PLEKHD1: variants seen among roughly 807,000 people sequenced by gnomAD.
The protein encoded by PLEKHD1 is pleckstrin homology domain-containing family D member 1.
Under a neutral mutation model 69.2 loss-of-function variants are expected in PLEKHD1, and 51 were observed. The observed-to-expected ratio is 0.74, with a 90% CI of 0.59 to 0.93. The LOEUF (loss-of-function observed/expected upper bound fraction) is 0.93. Among genes scored for constraint, PLEKHD1 ranks in the 40% least tolerant of loss-of-function variants. The pLI is 0.00. For missense variants in PLEKHD1, 584 were observed against 641.0 expected (o/e 0.91, Z 0.96); for synonymous variants, 236 against 244.7 (o/e 0.96, Z 0.33).
chr14:69,505,055 A>G (rs1481227292), intron 6 of PLEKHD1, among the ~76,000 whole-genome samples: 1 of 152,242 alleles, frequency 6.6e-6, no homozygotes, highest in Non-Finnish European at 1.5e-5. Flanking sequence ...GTCTTTAGCC[A>G]GGAAATTAGG....
the PLEKHD1 span, among the ~76,000 whole-genome samples, chr14:69,471,020 T>G: frequency 4.9e-3 from 735 of 150,060 alleles, 7 homozygotes; most frequent in African/African-American, 0.018. Context: ...CTCGATCTCC[T>G]GACCTTGTGA....
Position 69,522,326 on chromosome 14 carries a change from A to C in PLEKHD1, c.599A>C (p.Gln200Pro). The change falls in exon 7 of 13, where the codon CAG becomes CCG. Residue 200 changes from glutamine (Q) to proline (P), a missense_variant. Transcript: ENST00000322564. ...LNQVLEAEKQ[Q>P]FEEVVQELRM... ...CAGGTGCTGGAGGCCGAGAAGCAGC[A>C]GTTCGAGGAGGTGGTGCAGGAGCTG... The C allele has an allele frequency of 6.4e-7, 1 of 1,551,614 alleles. No individual in the cohort carries two copies. Among genetic ancestry groups the C allele is most frequent in the Non-Finnish European group, 8.7e-7 (1 of 1,146,950 alleles).
chr14:69,496,702 ATTTTTTTT>A (rs375368521), intron 1 of PLEKHD1, among the ~76,000 whole-genome samples: 1 of 112,920 alleles, frequency 8.9e-6, no homozygotes, highest in African/African-American at 3.6e-5. Flanking sequence ...TGCCCAGCTA[ATTTTTTTT>A]TTTTTTTTTT....
At chr14:69,503,849 A>G (rs1478725707) in intron 6 of PLEKHD1, among the ~76,000 whole-genome samples, 2 of 141,132 alleles carry the variant, frequency 1.4e-5, no homozygotes, top group Admixed American at 7.2e-5. Flanking sequence ...GGGCGACAGA[A>G]CGAGACTCCG....
chr14:69,470,728 G>A, the PLEKHD1 span, among the ~76,000 whole-genome samples: 746 of 152,234 alleles, frequency 4.9e-3, 7 homozygotes, highest in African/African-American at 0.017. Context: ...CAGTAACTCA[G>A]TGAGCTATGT....
At chr14:69,522,665 C>A (rs1449901231) in intron 7 of PLEKHD1, among the ~76,000 whole-genome samples, 1 of 152,116 alleles carries the variant, frequency 6.6e-6, no homozygotes, top group African/African-American at 2.4e-5. Flanking sequence ...TCATGAAAGC[C>A]TCTCTCACCC....
chr14:69,471,517 T>A, the PLEKHD1 span, among the ~76,000 whole-genome samples: 1 of 152,092 alleles, frequency 6.6e-6, no homozygotes, highest in African/African-American at 2.4e-5. Flanking sequence ...GGTCACAAGG[T>A]CTGAGAGAAA....
the PLEKHD1 span, among the ~76,000 whole-genome samples, chr14:69,478,675 T>C: frequency 6.6e-6 from 1 of 152,248 alleles, no homozygotes; most frequent in Non-Finnish European, 1.5e-5. Context: ...GAGTCACCTT[T>C]GCTCCAGTTC....
the PLEKHD1 span, among the ~76,000 whole-genome samples, chr14:69,467,874 C>G: frequency 1.1e-4 from 16 of 152,200 alleles, no homozygotes; most frequent in African/African-American, 3.6e-4. Flanking sequence ...GGAGGCACCT[C>G]AGAAGCTCCT....
rs1271547635 is a variant in PLEKHD1 at position 69,530,143 on chromosome 14, T to C, written c.*1724T>C. 6.6e-6 allele frequency: 1 copy of C among 152,242 alleles called. No homozygotes were observed. The highest frequency in any genetic ancestry group is 1.5e-5 in the Non-Finnish European group (1 of 68,052). The allele number at this position is 152,242 out of a possible 1,614,324, so 9.4% of individuals were successfully genotyped here. On this transcript the variant is annotated 3_prime_UTR_variant, in exon 13 of 13. Coordinates refer to ENST00000322564, the MANE Select transcript of PLEKHD1 (RefSeq NM_001161498.2). ...ACCTGGGAGCCCACAACCTATTCTG[T>C]GGGAAGAGGAGCATTGTTGCCTCTA...
At chr14:69,495,068 G>C (rs1339583625) in intron 1 of PLEKHD1, among the ~76,000 whole-genome samples, 1 of 152,164 alleles carries the variant, frequency 6.6e-6, no homozygotes, top group Non-Finnish European at 1.5e-5. Flanking sequence ...TGTGATGTGT[G>C]GGCCCTTCAC....
chr14:69,494,649 C>T (rs1308260233), intron 1 of PLEKHD1, among the ~76,000 whole-genome samples: 1 of 152,216 alleles, frequency 6.6e-6, no homozygotes, highest in East Asian at 1.9e-4. Context: ...CATCTCTCGC[C>T]CTTGGGCCGT....
chr14:69,483,855 G>T (rs954715266), upstream of PLEKHD1, among the ~76,000 whole-genome samples: 3 of 152,222 alleles, frequency 2.0e-5, no homozygotes, highest in Admixed American at 1.3e-4. Flanking sequence ...GCCGGGAGGA[G>T]GCGGTCCCCT....
At chr14:69,473,895 C>T in the PLEKHD1 span, among the ~76,000 whole-genome samples, 1 of 152,212 alleles carries the variant, frequency 6.6e-6, no homozygotes, top group Non-Finnish European at 1.5e-5. Flanking sequence ...AGCTTCCACT[C>T]CTGAACTCTT....
At chr14:69,478,769 A>G in the PLEKHD1 span, among the ~76,000 whole-genome samples, 1 of 152,178 alleles carries the variant, frequency 6.6e-6, no homozygotes, top group Admixed American at 6.5e-5. Context: ...TGCCAAAGCC[A>G]TTCAACAAAT....
chr14:69,528,342 C>A lies in PLEKHD1; in HGVS notation c.1444C>A (p.Arg482Ser), dbSNP rs146132310. The change falls in exon 13 of 13, where the codon CGC becomes AGC. Residue 482 changes from arginine (R) to serine (S), a missense_variant. By Grantham distance (110) the Arg-to-Ser change is moderately radical (BLOSUM62 -1). Coordinates refer to ENST00000322564, the MANE Select transcript of PLEKHD1 (RefSeq NM_001161498.2). The part of the protein sequence containing the change: ...EVAKRLSRDQ[R>S]FRESIYHIMA... ...GGCCAAGCGGCTCAGCAGGGACCAG[C>A]GCTTCCGGGAATCCATCTACCACAT... 1.3e-6 allele frequency: 2 copies of A among 1,551,702 alleles called. No homozygotes were observed. The highest frequency in any genetic ancestry group is 1.7e-6 in the Non-Finnish European group (2 of 1,146,998).
At chr14:69,491,758 G>C (rs553002522) in intron 1 of PLEKHD1, among the ~76,000 whole-genome samples, 1 of 152,228 alleles carries the variant, frequency 6.6e-6, no homozygotes, top group African/African-American at 2.4e-5. Context: ...CACTGGGGAG[G>C]GGGGCAGAAG....
At chr14:69,502,354 G>A in intron 5 of PLEKHD1, 1 of 199,466 alleles carries the variant, frequency 5.0e-6, no homozygotes, top group Non-Finnish European at 1.0e-5. Flanking sequence ...TGACAGGTTG[G>A]TAAACATGCA....
At chr14:69,491,085 C>A (rs1334872142) in intron 1 of PLEKHD1, among the ~76,000 whole-genome samples, 1 of 152,194 alleles carries the variant, frequency 6.6e-6, no homozygotes, top group Non-Finnish European at 1.5e-5. Flanking sequence ...AAAATCTGTA[C>A]CAAGGTTTCT....
Sources: gnomAD v4.1 joint callset for allele counts (sites outside exome capture counted in the v4.1 genomes callset) on GRCh38, gnomAD v4.1.1 for gene constraint, MANE v1.5 for transcripts, NCBI Gene and HGNC (gene_info 2026-07-23, HGNC 2026-07-21) for gene names.